The following GRM5 variants were observed in gnomAD, a reference collection of about 807,000 sequenced individuals.
The protein encoded by GRM5 is metabotropic glutamate receptor 5.
Under a neutral mutation model 83.1 loss-of-function variants are expected in GRM5, and 19 were observed. The observed-to-expected ratio is 0.23, with a 90% CI of 0.16 to 0.34. The LOEUF is 0.34. Ranked by LOEUF, GRM5 falls within the 10% of genes least tolerant of loss-of-function variation. The pLI, the probability that GRM5 is intolerant of heterozygous loss-of-function variation, is 1.00. For synonymous variants in GRM5, 675 were observed against 633.6 expected (o/e 1.07, Z -0.98); for missense variants, 1,160 against 1,588.3 (o/e 0.73, Z 4.58).
intron 2 of GRM5, among the ~76,000 whole-genome samples, chr11:88,916,612 A>G (rs969245753): frequency 3.9e-5 from 6 of 152,048 alleles, no homozygotes; most frequent in Admixed American, 3.9e-4. Flanking sequence ...ATTCCTGGGC[A>G]GTCTTGGTGC....
At chr11:88,677,224 C>T (rs1441235972) in intron 3 of GRM5, among the ~76,000 whole-genome samples, 1 of 152,004 alleles carries the variant, frequency 6.6e-6, no homozygotes, top group African/African-American at 2.4e-5. Context: ...TCTAGAAGCC[C>T]TGACTTTTAA....
chr11:88,937,244 A>G (rs2135659308), intron 2 of GRM5, among the ~76,000 whole-genome samples: 1 of 151,836 alleles, frequency 6.6e-6, no homozygotes, highest in South Asian at 2.1e-4. Flanking sequence ...TACCACATAT[A>G]CTGGCGTTTA....
chr11:88,611,159 T>C (rs987048418), intron 4 of GRM5, among the ~76,000 whole-genome samples: 2 of 152,320 alleles, frequency 1.3e-5, no homozygotes, highest in African/African-American at 4.8e-5. Context: ...TCATCAGGGA[T>C]ATGAGCCTGT....
At chr11:88,727,394 T>C (rs1333095190) in intron 3 of GRM5, among the ~76,000 whole-genome samples, 1 of 152,208 alleles carries the variant, frequency 6.6e-6, no homozygotes, top group Non-Finnish European at 1.5e-5. Flanking sequence ...AAGCAAGTTC[T>C]AAGAGACCAA....
intron 3 of GRM5, among the ~76,000 whole-genome samples, chr11:88,836,869 G>A (rs561937490): frequency 6.6e-6 from 1 of 152,116 alleles, no homozygotes; most frequent in South Asian, 2.1e-4. Context: ...AAACAATAAA[G>A]AGCAAATGTT....
chr11:89,038,157 G>C (rs1205468203), intron 2 of GRM5, among the ~76,000 whole-genome samples: 1 of 150,708 alleles, frequency 6.6e-6, no homozygotes, highest in Non-Finnish European at 1.5e-5. Context: ...CTCATTGTGT[G>C]TGTGTGTGTG....
intron 1 of GRM5, among the ~76,000 whole-genome samples, chr11:89,051,862 A>T (rs534678163): frequency 6.6e-6 from 1 of 152,328 alleles, no homozygotes; most frequent in African/African-American, 2.4e-5. Context: ...GAAACCTGTA[A>T]TAATCTAGCA....
At chr11:88,798,595 T>A (rs1381271047) in intron 3 of GRM5, among the ~76,000 whole-genome samples, 1 of 151,998 alleles carries the variant, frequency 6.6e-6, no homozygotes, top group Non-Finnish European at 1.5e-5. Context: ...TTATGTATTT[T>A]CCCCAGGTTT....
intron 2 of GRM5, among the ~76,000 whole-genome samples, chr11:88,915,251 A>G (rs1240552764): frequency 6.6e-6 from 1 of 152,192 alleles, no homozygotes; most frequent in Admixed American, 6.6e-5. Context: ...ATGAAGTAGT[A>G]CCCCAGAAAT....
At chr11:88,754,136 A>G (rs1445863584) in intron 3 of GRM5, among the ~76,000 whole-genome samples, 3 of 152,168 alleles carry the variant, frequency 2.0e-5, no homozygotes, top group Non-Finnish European at 2.9e-5. Flanking sequence ...CTTTTCAGGG[A>G]CATGGATGGA....
intron 5 of GRM5, among the ~76,000 whole-genome samples, chr11:88,598,578 A>G (rs1200382929): frequency 3.3e-5 from 5 of 152,248 alleles, no homozygotes; most frequent in East Asian, 3.9e-4. Flanking sequence ...TTTATAGGAT[A>G]CTTTCCTTCC....
At chr11:89,030,816 A>G (rs1941243880) in intron 2 of GRM5, among the ~76,000 whole-genome samples, 1 of 152,038 alleles carries the variant, frequency 6.6e-6, no homozygotes, top group South Asian at 2.1e-4. Flanking sequence ...AAAATATTCT[A>G]ATACTATGGA....
intron 3 of GRM5, among the ~76,000 whole-genome samples, chr11:88,831,691 G>A (rs1309507284): frequency 6.6e-6 from 1 of 152,078 alleles, no homozygotes; most frequent in Non-Finnish European, 1.5e-5. Flanking sequence ...ACCACAGCTG[G>A]CATCTATCCA....
chr11:88,898,667 G>A (rs1008182684), intron 2 of GRM5, among the ~76,000 whole-genome samples: 2 of 151,826 alleles, frequency 1.3e-5, no homozygotes, highest in African/African-American at 4.8e-5. Flanking sequence ...ACACAGATTT[G>A]TGTATGTGTA....
intron 8 of GRM5, among the ~76,000 whole-genome samples, chr11:88,551,613 A>C (rs1942510553): frequency 6.6e-6 from 1 of 152,180 alleles, no homozygotes; most frequent in Admixed American, 6.5e-5. Context: ...ACATTTTAGT[A>C]GATTTTAGAG....
intron 9 of GRM5, among the ~76,000 whole-genome samples, chr11:88,514,983 T>G (rs567444329): frequency 9.2e-5 from 14 of 152,258 alleles, no homozygotes; most frequent in African/African-American, 3.4e-4. Flanking sequence ...CAGAGAATCT[T>G]TCTTACCAGG....
intron 2 of GRM5, among the ~76,000 whole-genome samples, chr11:88,947,961 C>A (rs1488809195): frequency 2.0e-5 from 3 of 152,112 alleles, no homozygotes; most frequent in Non-Finnish European, 4.4e-5. Context: ...TAGCGGTTGG[C>A]TTTCAAATGT....
intron 2 of GRM5, among the ~76,000 whole-genome samples, chr11:88,855,177 A>C (rs890880308): frequency 1.3e-5 from 2 of 151,900 alleles, no homozygotes; most frequent in African/African-American, 2.4e-5. Context: ...TTTTTTTCAT[A>C]GTATCTTTAC....
At chr11:88,671,869 T>C (rs2135333367) in intron 3 of GRM5, among the ~76,000 whole-genome samples, 1 of 152,242 alleles carries the variant, frequency 6.6e-6, no homozygotes, top group African/African-American at 2.4e-5. Flanking sequence ...ATGGGCTTGT[T>C]AATTTCATGC....
Sources: gnomAD v4.1 joint callset for allele counts (sites outside exome capture counted in the v4.1 genomes callset) on GRCh38, gnomAD v4.1.1 for gene constraint, MANE v1.5 for transcripts, NCBI Gene and HGNC (gene_info 2026-07-23, HGNC 2026-07-21) for gene names.